The following STK32B variants were observed in gnomAD, a reference collection of about 807,000 sequenced individuals.
The protein encoded by STK32B is serine/threonine-protein kinase 32B.
In STK32B, 43 loss-of-function variants were observed where a neutral mutation model predicts 52.6. The observed-to-expected ratio is 0.82, with a 90% CI of 0.64 to 1.05. The LOEUF (loss-of-function observed/expected upper bound fraction) is 1.05, where lower values mean the gene tolerates loss of function less well. Among genes scored for constraint, STK32B ranks in the 50% least tolerant of loss-of-function variants. STK32B has a pLI of 0.00. For missense variants in STK32B, 621 were observed against 534.6 expected, an observed-to-expected ratio of 1.16 and a Z score of -1.59; for synonymous variants, 238 against 204.3, an observed-to-expected ratio of 1.17 and a Z score of -1.41.
chr4:5,430,800 G>A (rs1022675902), intron 6 of STK32B, among the ~76,000 whole-genome samples: 1 of 152,198 alleles, frequency 6.6e-6, no homozygotes, highest in African/African-American at 2.4e-5. Context: ...CAGCTTTAGA[G>A]TTGGGTTTTA....
intron 4 of STK32B, 115 bp downstream of exon 4, chr4:5,331,508 G>A (rs1434848363): frequency 1.4e-5 from 16 of 1,105,676 alleles, no homozygotes; most frequent in Non-Finnish European, 1.9e-5. Context: ...AAAAGTGGTA[G>A]TGCATGAGGG....
At chr4:5,419,490 C>A (rs1002511516) in intron 6 of STK32B, among the ~76,000 whole-genome samples, 8 of 152,186 alleles carry the variant, frequency 5.3e-5, no homozygotes, top group African/African-American at 1.7e-4. Flanking sequence ...CCTTTCAATG[C>A]CCCTGATACT....
chr4:5,115,174 G>T (rs1382558753), intron 1 of STK32B, among the ~76,000 whole-genome samples: 2 of 152,126 alleles, frequency 1.3e-5, no homozygotes, highest in South Asian at 2.1e-4. Flanking sequence ...TGCTGTGTTG[G>T]CTTATTATCC....
At chr4:5,475,930 C>T (rs867776844) in intron 11 of STK32B, among the ~76,000 whole-genome samples, 1 of 151,650 alleles carries the variant, frequency 6.6e-6, no homozygotes, top group Non-Finnish European at 1.5e-5. Flanking sequence ...GAGTTTTGCT[C>T]GTCGCCCAGG....
chr4:5,408,959 G>T (rs745610563), intron 5 of STK32B, among the ~76,000 whole-genome samples: 65 of 152,152 alleles, frequency 4.3e-4, no homozygotes, highest in Non-Finnish European at 7.3e-4. Context: ...AGACAATGGG[G>T]CTCAGAGTGA....
In STK32B at chr4:5,164,609, T is replaced by G. The variant is rs895749404; in HGVS notation, c.109-3690T>G. On this transcript the variant is annotated intron_variant, in intron 2 of 11. Coordinates refer to ENST00000282908, the MANE Select transcript of STK32B (RefSeq NM_018401.3). ...ACATTAAGGTGGCAGCATGGTCAGA[T>G]TCTGGAGTGGGCCCTTTTCCAGGTT... Among the ~76,000 whole-genome samples, 4 of 152,242 alleles carry G rather than the reference T, an allele frequency of 2.6e-5. No individual in the cohort carries two copies. The East Asian group carries it at 7.7e-4, about 29-fold the overall frequency.
intron 2 of STK32B, among the ~76,000 whole-genome samples, chr4:5,148,780 C>T (rs776508759): frequency 4.0e-5 from 6 of 151,756 alleles, no homozygotes; most frequent in African/African-American, 9.6e-5. Context: ...GTGTCATTGC[C>T]GATTTTTAAA....
chr4:5,034,121 G>A, the STK32B span, among the ~76,000 whole-genome samples: 9 of 152,180 alleles, frequency 5.9e-5, no homozygotes, highest in East Asian at 1.9e-4. Flanking sequence ...ATTTCATGCC[G>A]TTACACAGCT....
intron 11 of STK32B, among the ~76,000 whole-genome samples, chr4:5,481,676 T>C (rs1456437239): frequency 1.3e-5 from 2 of 152,204 alleles, no homozygotes; most frequent in Non-Finnish European, 2.9e-5. Context: ...ATGTCCTGAA[T>C]GGTATTGCCT....
chr4:5,153,227 C>A (rs112344988), intron 2 of STK32B, among the ~76,000 whole-genome samples: 451 of 152,256 alleles, frequency 3.0e-3, no homozygotes, highest in Middle Eastern at 0.027. Flanking sequence ...TGCAACAGGG[C>A]ATAGAGGAAA....
At chr4:5,204,454 G>GTTTT (rs1722408735) in intron 3 of STK32B, among the ~76,000 whole-genome samples, 7 of 23,754 alleles carry the variant, frequency 2.9e-4, no homozygotes, top group African/African-American at 4.7e-4. Context: ...TTGTTTTTTA[G>GTTTT]GTTTTTTTGT....
At chr4:5,075,716 T>C (rs1329180706) in intron 1 of STK32B, among the ~76,000 whole-genome samples, 3 of 152,010 alleles carry the variant, frequency 2.0e-5, no homozygotes, top group Non-Finnish European at 4.4e-5. Flanking sequence ...GTCATTTTGA[T>C]AGATTTCTTA....
intron 4 of STK32B, among the ~76,000 whole-genome samples, chr4:5,338,312 A>G (rs1169348652): frequency 6.6e-6 from 1 of 152,166 alleles, no homozygotes; most frequent in East Asian, 1.9e-4. Context: ...ACAACTGTTC[A>G]TTTACTCAGT....
At chr4:5,061,122 G>T (rs899923403) in intron 1 of STK32B, among the ~76,000 whole-genome samples, 6 of 152,100 alleles carry the variant, frequency 3.9e-5, no homozygotes, top group Non-Finnish European at 5.9e-5. Flanking sequence ...AACTCAAATT[G>T]CAAAAGCATT....
chr4:5,068,655 AT>A (rs551475726), intron 1 of STK32B, among the ~76,000 whole-genome samples: 1 of 151,740 alleles, frequency 6.6e-6, no homozygotes, highest in Admixed American at 6.6e-5. Flanking sequence ...AATTATTATT[AT>A]TTTTTTTACC....
intron 3 of STK32B, among the ~76,000 whole-genome samples, chr4:5,206,024 C>G (rs1241966486): frequency 6.6e-6 from 1 of 152,186 alleles, no homozygotes; most frequent in East Asian, 1.9e-4. Context: ...GGGGCCAAGA[C>G]TTTCCAGCTG....
At position 5,470,609 on chromosome 4, in the gene STK32B, T is replaced by C. The variant is rs1267630892; in HGVS notation, c.1106+2539T>C. Among the ~76,000 whole-genome samples, 1 of 152,048 alleles carries C rather than the reference T, an allele frequency of 6.6e-6. No homozygotes were observed. The highest frequency in any genetic ancestry group is 2.1e-4 in the South Asian group (1 of 4,802). On this transcript the variant is annotated intron_variant, in intron 11 of 11. Transcript: ENST00000282908. This position sits in a 1 kb window ranked among gnomAD's most constrained non-coding sequence, Gnocchi z 4.6. ...GAGGGTTTTGCTGTGTCCCCCAAGA[T>C]GCATCAGCCGACCCCATCCCCACCT...
chr4:5,450,934 G>C (rs1715933656), intron 7 of STK32B, among the ~76,000 whole-genome samples: 1 of 152,126 alleles, frequency 6.6e-6, no homozygotes, highest in South Asian at 2.1e-4. Flanking sequence ...AGGCCAATGG[G>C]CTTCATGAGC....
intron 9 of STK32B, among the ~76,000 whole-genome samples, chr4:5,462,159 CTG>C (rs1285497757): frequency 2.7e-5 from 4 of 148,388 alleles, no homozygotes; most frequent in African/African-American, 7.4e-5. Context: ...ACCCATGTGT[CTG>C]TGTGTCTGTA....
Sources: gnomAD v4.1 joint callset for allele counts (sites outside exome capture counted in the v4.1 genomes callset) on GRCh38, gnomAD v4.1.1 for gene constraint, Gnocchi (gnomAD v3.1) non-coding constraint, MANE v1.5 for transcripts, NCBI Gene and HGNC (gene_info 2026-07-23, HGNC 2026-07-21) for gene names.